Variants in MTURN observed in about 807,000 individuals in gnomAD.
MTURN encodes the protein maturin.
Under a neutral mutation model 14.9 loss-of-function variants are expected in MTURN, and 7 were observed. That is an observed-to-expected ratio of 0.47 (90% CI 0.27 to 0.88). The LOEUF (loss-of-function observed/expected upper bound fraction) is 0.88. Among genes scored for constraint, MTURN ranks in the 40% least tolerant of loss-of-function variants. The probability of loss-of-function intolerance (pLI) is 0.14; values close to 1 mark genes in which losing one functional copy is unlikely to be tolerated. For synonymous variants in MTURN, 69 were observed against 72.5 expected, an observed-to-expected ratio of 0.95 and a Z score of 0.25; for missense variants, 151 against 174.1, an observed-to-expected ratio of 0.87 and a Z score of 0.75.
At chr7:30,150,084 C>A (rs1583508601) in intron 2 of MTURN, among the ~76,000 whole-genome samples, 1 of 152,188 alleles carries the variant, frequency 6.6e-6, no homozygotes, top group Non-Finnish European at 1.5e-5. Context: ...AGTTACTTAA[C>A]CTCTCTGTTT....
intron 1 of MTURN, among the ~76,000 whole-genome samples, chr7:30,138,376 A>G (rs1045706066): frequency 6.6e-6 from 1 of 152,056 alleles, no homozygotes; most frequent in African/African-American, 2.4e-5. Flanking sequence ...TGGCCTCCCA[A>G]AGTGCTGGGA....
At chr7:30,156,575 C>G (rs1797290916) in intron 2 of MTURN, among the ~76,000 whole-genome samples, 1 of 152,030 alleles carries the variant, frequency 6.6e-6, no homozygotes, top group Non-Finnish European at 1.5e-5. Flanking sequence ...GCCTGTAATC[C>G]CAGCACTTTG....
chr7:30,146,463 C>A (rs968162073), intron 2 of MTURN, among the ~76,000 whole-genome samples, 164 bp downstream of exon 2: 1 of 151,180 alleles, frequency 6.6e-6, no homozygotes, highest in African/African-American at 2.4e-5. Context: ...AGGCCGAGGG[C>A]GGGAGGAGGG....
Position 30,160,350 on chromosome 7 carries a change from G to T in MTURN, c.*2802G>T, listed in dbSNP as rs572475988. The T allele has an allele frequency of 1.3e-5, 2 of 152,374 alleles. No homozygotes were observed. The highest frequency in any genetic ancestry group is 6.5e-5 in the Admixed American group (1 of 15,302). The allele number at this position is 152,374 out of a possible 1,614,324, so 9.4% of individuals were successfully genotyped here. On this transcript the variant is annotated 3_prime_UTR_variant, in exon 3 of 3. Transcript: ENST00000324453. ...TCCTTAGAGGAAAGGGAAAGGTGAG[G>T]CCCCAGAGGACTTATCTCAGCTGTA...
intron 2 of MTURN, among the ~76,000 whole-genome samples, chr7:30,153,281 T>C (rs1184206871): frequency 1.3e-5 from 2 of 152,178 alleles, no homozygotes; most frequent in Non-Finnish European, 2.9e-5. Context: ...GATTACTACA[T>C]ATCTGTAAGA....
chr7:30,145,405 G>A (rs1797114975), intron 1 of MTURN, among the ~76,000 whole-genome samples: 1 of 151,898 alleles, frequency 6.6e-6, no homozygotes, highest in South Asian at 2.1e-4. Context: ...AAGATGGGAG[G>A]GTCACTTGAA....
intron 1 of MTURN, among the ~76,000 whole-genome samples, chr7:30,143,192 T>C (rs1797077896): frequency 6.6e-6 from 1 of 152,138 alleles, no homozygotes; most frequent in African/African-American, 2.4e-5. Context: ...GTTTTATCTG[T>C]GGACACTACC....
rs561495658 is a variant in MTURN at position 30,161,038 on chromosome 7, C to G, written c.*3490C>G. 1 of 152,738 alleles carries G rather than the reference C, an allele frequency of 6.5e-6. No homozygotes were observed. The highest frequency in any genetic ancestry group is 1.9e-4 in the East Asian group (1 of 5,192). The allele number at this position is 152,738 out of a possible 1,614,324, so 9.5% of individuals were successfully genotyped here. On this transcript the variant is annotated 3_prime_UTR_variant, in exon 3 of 3. Coordinates refer to ENST00000324453, the MANE Select transcript of MTURN (RefSeq NM_152793.3). ...ATGTATAAACAGAAACCGTCTCTAGCACAATATATTTCTGAATATTGTTTC... is the reference window on the plus strand; with the variant it reads ...ATGTATAAACAGAAACCGTCTCTAGGACAATATATTTCTGAATATTGTTTC...
intron 1 of MTURN, among the ~76,000 whole-genome samples, chr7:30,140,292 C>T (rs1483727515): frequency 6.6e-6 from 1 of 151,932 alleles, no homozygotes; most frequent in Non-Finnish European, 1.5e-5. Context: ...TAGTTTAATC[C>T]CTCCTCAGCA....
chr7:30,151,155 C>A (rs1797205740), intron 2 of MTURN, among the ~76,000 whole-genome samples: 1 of 152,188 alleles, frequency 6.6e-6, no homozygotes, highest in Non-Finnish European at 1.5e-5. Context: ...GTTGATTGCT[C>A]AGAGAGGTAT....
rs911051787 is a variant in MTURN at position 30,158,847 on chromosome 7, A to G, written c.*1299A>G. On this transcript the variant is annotated 3_prime_UTR_variant, in exon 3 of 3. Transcript: ENST00000324453. Reference sequence around the variant, plus strand: ...GGATGCGGAATGCCTCCTTTACAACACTAGATTAAACCTAGCATCTGGGGT... The same window carrying G: ...GGATGCGGAATGCCTCCTTTACAACGCTAGATTAAACCTAGCATCTGGGGT... 6.6e-6 allele frequency: 1 copy of G among 152,124 alleles called. No individual in the cohort carries two copies. The highest frequency in any genetic ancestry group is 1.5e-5 in the Non-Finnish European group (1 of 68,028). 9.4% of individuals were successfully genotyped at this position (152,124 alleles called of 1,614,324 possible).
At chr7:30,152,978 C>G (rs930915269) in intron 2 of MTURN, among the ~76,000 whole-genome samples, 8 of 152,146 alleles carry the variant, frequency 5.3e-5, no homozygotes, top group Non-Finnish European at 1.2e-4. Flanking sequence ...AATGCTAACT[C>G]TCTTGTCCAG....
chr7:30,140,505 T>C (rs767334779), intron 1 of MTURN, among the ~76,000 whole-genome samples: 2 of 152,044 alleles, frequency 1.3e-5, no homozygotes, highest in Non-Finnish European at 2.9e-5. Flanking sequence ...ATAGAACTTA[T>C]TTAAATGAGA....
chr7:30,146,368 G>A (rs1257946384), intron 2 of MTURN, 69 bp downstream of exon 2: 11 of 1,589,772 alleles, frequency 6.9e-6, no homozygotes, highest in Middle Eastern at 1.7e-4. Context: ...TAACAGGGGC[G>A]GTGGGGAAGG....
intron 1 of MTURN, among the ~76,000 whole-genome samples, chr7:30,139,147 A>G (rs1797010706): frequency 6.6e-6 from 1 of 152,228 alleles, no homozygotes; most frequent in African/African-American, 2.4e-5. Flanking sequence ...TGCTCAGTAC[A>G]TATCTATAAG....
rs867809012 is a variant in MTURN, at chr7:30,159,516, A to G, written c.*1968A>G. 1.6e-4 allele frequency: 24 copies of G among 152,780 alleles called. No homozygotes were observed. The highest frequency in any genetic ancestry group is 4.8e-4 in the African/African-American group (20 of 41,580). 9.5% of individuals were successfully genotyped at this position (152,780 alleles called of 1,614,324 possible). A position where few individuals can be genotyped will look rare whatever the true frequency, so the allele number is the denominator to read the frequency against. Reference sequence around the variant, plus strand: ...GGAAATGGAATGGACATTAACATAAAATGTATTTTATCAAAAAAGTGTTTA... The same window carrying G: ...GGAAATGGAATGGACATTAACATAAGATGTATTTTATCAAAAAAGTGTTTA... On this transcript the variant is annotated 3_prime_UTR_variant, in exon 3 of 3. Transcript: ENST00000324453.
At chr7:30,148,980 G>GT (rs1304898943) in intron 2 of MTURN, among the ~76,000 whole-genome samples, 1 of 152,068 alleles carries the variant, frequency 6.6e-6, no homozygotes, top group African/African-American at 2.4e-5. Flanking sequence ...CTCACTCATT[G>GT]ACCTGCCGCC....
At position 30,159,238 on chromosome 7, in the gene MTURN, C is replaced by T. The variant is rs560277295; in HGVS notation, c.*1690C>T. 1 of 152,310 alleles carries T rather than the reference C, an allele frequency of 6.6e-6. No homozygotes were observed. The highest frequency in any genetic ancestry group is 6.5e-5 in the Admixed American group (1 of 15,298). 9.4% of individuals were successfully genotyped at this position (152,310 alleles called of 1,614,324 possible). ...ATTAGTAAAACACAACTTAGTGTTT[C>T]ATCCATTGGGGTGAGCATATACTGC... On this transcript the variant is annotated 3_prime_UTR_variant, in exon 3 of 3. Coordinates refer to ENST00000324453, the MANE Select transcript of MTURN (RefSeq NM_152793.3).
chr7:30,156,654 G>A (rs1286309128), intron 2 of MTURN, among the ~76,000 whole-genome samples: 3 of 152,092 alleles, frequency 2.0e-5, no homozygotes, highest in Admixed American at 2.0e-4. Flanking sequence ...GTGAAACCCT[G>A]TCTCTCCTAA....
Sources: gnomAD v4.1 joint callset for allele counts (sites outside exome capture counted in the v4.1 genomes callset) on GRCh38, gnomAD v4.1.1 for gene constraint, MANE v1.5 for transcripts, NCBI Gene and HGNC (gene_info 2026-07-23, HGNC 2026-07-21) for gene names.